Variants in ZNF799 observed in about 807,000 individuals in gnomAD.
ZNF799 encodes the protein zinc finger protein 799, also known as zinc finger protein 14.
In ZNF799, 28 loss-of-function variants were observed where a neutral mutation model predicts 41.0. That is an observed-to-expected ratio of 0.68 (90% CI 0.51 to 0.94). The LOEUF (loss-of-function observed/expected upper bound fraction) is 0.94, where lower values mean the gene tolerates loss of function less well. ZNF799 is among the 40% of genes least tolerant of loss of function. ZNF799 has a pLI of 0.00. For synonymous variants in ZNF799, 213 were observed against 252.9 expected (o/e 0.84, Z 1.50); for missense variants, 716 against 764.3 (o/e 0.94, Z 0.74).
the ZNF799 span, among the ~76,000 whole-genome samples, chr19:12,414,946 A>T: frequency 6.6e-6 from 1 of 152,176 alleles, no homozygotes; most frequent in Non-Finnish European, 1.5e-5. Flanking sequence ...CCTTTCTTCA[A>T]CACTTTAAAT....
At position 12,397,589 on chromosome 19, in the gene ZNF799, A is replaced by G. The variant is rs1330793458; in HGVS notation, c.3+3479T>C. ...CAAAAAAAAAAAAAAAAAGAAAGAA[A>G]GAAAGAAACAAAGAAACAAGTAGAC... On this transcript the variant is annotated intron_variant, in intron 1 of 3. Coordinates refer to ENST00000430385, the MANE Select transcript of ZNF799 (RefSeq NM_001080821.3). Among the ~76,000 whole-genome samples the G allele has an allele frequency of 4.6e-5, 7 of 151,612 alleles. No individual in the cohort carries two copies. In the East Asian group the frequency reaches 1.3e-3, roughly 29 times the overall value.
the ZNF799 span, among the ~76,000 whole-genome samples, chr19:12,413,397 A>G: frequency 0.33 from 50,661 of 152,008 alleles, 9,002 homozygotes; most frequent in South Asian, 0.51. Flanking sequence ...TCCTGGGTCA[A>G]TCCTCAAATT....
At chr19:12,408,994 C>T in the ZNF799 span, among the ~76,000 whole-genome samples, 1 of 151,874 alleles carries the variant, frequency 6.6e-6, no homozygotes, top group Non-Finnish European at 1.5e-5. Flanking sequence ...GAGATCGCGC[C>T]ATTGCACTCC....
At chr19:12,400,963 G>T in intron 1 of ZNF799, 105 bp downstream of exon 1, 1 of 1,603,288 alleles carries the variant, frequency 6.2e-7, no homozygotes. Flanking sequence ...CGGGTCCGTA[G>T]ATCCCGGAGT....
chr19:12,396,056 C>T (rs201691096), intron 1 of ZNF799, among the ~76,000 whole-genome samples: 1,642 of 137,578 alleles, frequency 0.012, 3 homozygotes, highest in African/African-American at 0.041. Context: ...CACACATAAA[C>T]AGAAAACAGT....
At chr19:12,406,132 T>C (rs1970027766), upstream of ZNF799, among the ~76,000 whole-genome samples, 1 of 131,172 alleles carries the variant, frequency 7.6e-6, no homozygotes, top group Admixed American at 8.7e-5. Flanking sequence ...ATTACGCCAC[T>C]GCACTAATGT....
intron 1 of ZNF799, 132 bp downstream of exon 1, chr19:12,400,936 C>A: frequency 6.4e-7 from 1 of 1,555,490 alleles, no homozygotes; most frequent in Non-Finnish European, 8.9e-7. Context: ...CGAGGGCCGA[C>A]CTACGCCAGG....
chr19:12,394,445 T>C (rs763273708), intron 1 of ZNF799: 16 of 370,146 alleles, frequency 4.3e-5, no homozygotes, highest in Non-Finnish European at 6.0e-5. Context: ...GGGTCTATAA[T>C]GAACTTTCTG....
intron 1 of ZNF799, chr19:12,394,364 G>A (rs1054411671): frequency 6.3e-5 from 10 of 158,220 alleles, no homozygotes; most frequent in Non-Finnish European, 1.1e-4. Flanking sequence ...ATAAATTACC[G>A]AGGTTCAGTA....
chr19:12,410,965 T>A, the ZNF799 span, among the ~76,000 whole-genome samples: 6 of 152,324 alleles, frequency 3.9e-5, no homozygotes, highest in African/African-American at 1.4e-4. Flanking sequence ...CAGACCAGGA[T>A]GGTTTCACTG....
Position 12,391,838 on chromosome 19 carries a change from T to A in ZNF799, c.560A>T (p.His187Leu). The part of the protein sequence containing the change: ...SFSSLGNLQR[H>L]MAVQRGDGPY... ...TCCATCTCCACGCTGCACTGCCATGTGTCTTTGAAGGTTTCCCAAAGAACT... is the reference window on the plus strand; with the variant it reads ...TCCATCTCCACGCTGCACTGCCATGAGTCTTTGAAGGTTTCCCAAAGAACT... The change falls in exon 4 of 4, where the codon CAC becomes CTC. Residue 187 changes from histidine (H) to leucine (L), a missense_variant. Coordinates refer to ENST00000430385, the MANE Select transcript of ZNF799 (RefSeq NM_001080821.3). The A allele has an allele frequency of 1.2e-6, 2 of 1,614,230 alleles. No homozygotes were observed.
intron 1 of ZNF799, among the ~76,000 whole-genome samples, chr19:12,397,283 C>T (rs952649586): frequency 2.0e-5 from 3 of 152,014 alleles, no homozygotes; most frequent in Non-Finnish European, 4.4e-5. Context: ...CAGCCTGTCA[C>T]AGTGGCTCAC....
chr19:12,394,693 A>G, intron 1 of ZNF799: 6 of 985,446 alleles, frequency 6.1e-6, no homozygotes, highest in South Asian at 4.7e-5. Flanking sequence ...ACATATTCTT[A>G]GAAAGAACTC....
the ZNF799 span, among the ~76,000 whole-genome samples, chr19:12,412,169 G>C: frequency 6.6e-6 from 1 of 152,110 alleles, no homozygotes; most frequent in African/African-American, 2.4e-5. Flanking sequence ...GCTGGACTCT[G>C]GGGAACTTGC....
Position 12,391,666 on chromosome 19 carries a change from T to C in ZNF799, c.732A>G (p.Glu244=). ...ACAGTTTCTCCCCAGTATGTGTTCTTTCATGTCTTAGATAGGAACTGTAAA... is the reference window on the plus strand; with the variant it reads ...ACAGTTTCTCCCCAGTATGTGTTCTCTCATGTCTTAGATAGGAACTGTAAA... ...FSFYSSYLRH[E]RTHTGEKLYE... is the part of the protein sequence containing the mutation. Residue 244 remains glutamate (E), a synonymous_variant, in exon 4 of 4, where the codon GAA becomes GAG. Transcript: ENST00000430385. 1.2e-6 allele frequency: 2 copies of C among 1,611,584 alleles called. No homozygotes were observed. Among genetic ancestry groups the C allele is most frequent in the Non-Finnish European group, 1.7e-6 (2 of 1,177,930 alleles).
chr19:12,397,578 A>AAAAG lies in ZNF799; in HGVS notation c.3+3486_3+3489dup, dbSNP rs930565021. On this transcript the variant is annotated intron_variant, in intron 1 of 3. Coordinates refer to ENST00000430385, the MANE Select transcript of ZNF799 (RefSeq NM_001080821.3). ...AGACCCTGTCTCAAAAAAAAAAAAA[A>AAAAG]AAAGAAAGAAAGAAAGAAACAAAGA... Among the ~76,000 whole-genome samples the AAAAG allele has an allele frequency of 3.3e-5, 5 of 150,638 alleles. No individual in the cohort carries two copies. The East Asian group carries it at 7.8e-4, about 23-fold the overall frequency.
chr19:12,391,520 G>C lies in ZNF799; in HGVS notation c.878C>G (p.Ser293Cys), dbSNP rs764183468. Residue 293 changes from serine (S) to cysteine (C), a missense_variant, in exon 4 of 4, where the codon TCC becomes TGC. Physicochemically the swap from Ser to Cys is moderately radical, Grantham distance 112. Coordinates refer to ENST00000430385, the MANE Select transcript of ZNF799 (RefSeq NM_001080821.3). ...TGTTTCGTGTCTTCGAAGGGAAGTG[G>C]AAGCACTGAAGGCTTTCCCACATTG... The part of the protein sequence containing the change: ...CKQCGKAFSA[S>C]TSLRRHETTH... 1 of 1,613,932 alleles carries C rather than the reference G, an allele frequency of 6.2e-7. No homozygotes were observed. The highest frequency in any genetic ancestry group is 1.1e-5 in the South Asian group (1 of 91,074).
rs375809185 is a variant in ZNF799 at position 12,401,064 on chromosome 19, G to T, written c.3+4C>A. On this transcript the variant is annotated splice_donor_region_variant and intron_variant, in intron 1 of 3. Coordinates refer to ENST00000430385, the MANE Select transcript of ZNF799 (RefSeq NM_001080821.3). ...GCCTCGGGACGCCGGCCCAGCACAC[G>T]CACCATTTCCCGACTTCCGCGGTGT... 9.5e-4 allele frequency: 1,533 copies of T among 1,613,838 alleles called. No homozygotes were observed. The highest frequency in any genetic ancestry group is 1.2e-3 in the Non-Finnish European group (1,396 of 1,179,904).
upstream of ZNF799, among the ~76,000 whole-genome samples, chr19:12,405,112 A>T (rs556256727): frequency 1.3e-5 from 2 of 152,046 alleles, no homozygotes; most frequent in African/African-American, 4.8e-5. Flanking sequence ...TCAGACTCCA[A>T]GTTCTTCAGT....
Sources: gnomAD v4.1 joint callset for allele counts (sites outside exome capture counted in the v4.1 genomes callset) on GRCh38, gnomAD v4.1.1 for gene constraint, MANE v1.5 for transcripts, NCBI Gene and HGNC (gene_info 2026-07-23, HGNC 2026-07-21) for gene names.